The following SUPT16H variants were observed in gnomAD, a reference collection of about 807,000 sequenced individuals.
SUPT16H encodes FACT complex subunit SPT16.
Under a neutral mutation model 136.2 loss-of-function variants are expected in SUPT16H, and 24 were observed. The ratio of observed to expected loss-of-function variants is 0.18; its 90% CI spans 0.13 to 0.25. The LOEUF (loss-of-function observed/expected upper bound fraction) is 0.25, where lower values mean the gene tolerates loss of function less well. SUPT16H is among the 10% of genes least tolerant of loss of function. The probability of loss-of-function intolerance (pLI) is 1.00; values close to 1 mark genes in which losing one functional copy is unlikely to be tolerated. For missense variants in SUPT16H, 623 were observed against 1,270.2 expected, an observed-to-expected ratio of 0.49 and a Z score of 7.74; for synonymous variants, 415 against 428.2, an observed-to-expected ratio of 0.97 and a Z score of 0.38.
rs1886336271 is a variant in SUPT16H at position 21,352,566 on chromosome 14, G to A, written c.*107C>T. 1 of 1,562,412 alleles carries A rather than the reference G, an allele frequency of 6.4e-7. No individual in the cohort carries two copies. The highest frequency in any genetic ancestry group is 1.4e-5 in the African/African-American group (1 of 73,244). On this transcript the variant is annotated 3_prime_UTR_variant, in exon 26 of 26. Coordinates refer to ENST00000216297, the MANE Select transcript of SUPT16H (RefSeq NM_007192.4). ...GCCCCCTAAACCCATAAACACAAATGGCAAAACTTCAAATGAAAACGAAAG... is the reference window on the plus strand; with the variant it reads ...GCCCCCTAAACCCATAAACACAAATAGCAAAACTTCAAATGAAAACGAAAG...
Position 21,363,122 on chromosome 14 carries a change from T to G in SUPT16H, c.1423A>C (p.Arg475=). 1 of 1,613,946 alleles carries G rather than the reference T, an allele frequency of 6.2e-7. No homozygotes were observed. Among genetic ancestry groups the G allele is most frequent in the South Asian group, 1.1e-5 (1 of 91,086 alleles). The change falls in exon 13 of 26, where the codon AGA becomes CGA. Residue 475 remains arginine, a synonymous_variant. Coordinates refer to ENST00000216297, the MANE Select transcript of SUPT16H (RefSeq NM_007192.4). ...RNEMTAEEKR[R]AHQKELAAQL... ...GCCGCTAGTTCTTTCTGATGTGCTC[T>G]TCGCTTCTCTTCTGCAGTCATTTCA...
At chr14:21,360,726 T>C (rs1267768003) in intron 17 of SUPT16H, 120 bp downstream of exon 17, 6 of 1,426,264 alleles carry the variant, frequency 4.2e-6, no homozygotes, top group Middle Eastern at 2.3e-4. Flanking sequence ...ATTAGCACCA[T>C]GCTTTAACCA....
chr14:21,359,539 G>A lies in SUPT16H; in HGVS notation c.2246C>T (p.Thr749Met), dbSNP rs555039355. The change falls in exon 19 of 26, where the codon ACG (threonine) becomes ATG (methionine). Residue 749 changes from threonine to methionine, a missense_variant. This residue lies in a region of SUPT16H where 21 missense variants were observed against 140.3 expected (regional missense o/e 0.15). Coordinates refer to ENST00000216297, the MANE Select transcript of SUPT16H (RefSeq NM_007192.4). ...QFYTEVGEIT[T>M]DLGKHQHMHD... ...CATATGCTGATGTTTCCCCAAGTCCGTGGTTATCTCTCCCACTTCTGTGTA... is the reference window on the plus strand; with the variant it reads ...CATATGCTGATGTTTCCCCAAGTCCATGGTTATCTCTCCCACTTCTGTGTA... The A allele has an allele frequency of 6.2e-7, 1 of 1,614,130 alleles. No homozygotes were observed. The highest frequency in any genetic ancestry group is 1.3e-5 in the African/African-American group (1 of 75,022).
intron 19 of SUPT16H, 47 bp from the exon 20 acceptor site, chr14:21,358,474 G>A (rs758673898): frequency 4.4e-6 from 6 of 1,359,588 alleles, no homozygotes; most frequent in African/African-American, 1.5e-5. Context: ...TTTGTTAACA[G>A]TACCTCCCCT....
chr14:21,366,652 C>T (rs1383634807), intron 7 of SUPT16H, 123 bp from the exon 8 acceptor site: 11 of 625,762 alleles, frequency 1.8e-5, no homozygotes, highest in Non-Finnish European at 2.7e-5. Context: ...AAACAGTCCA[C>T]TCACTTTTTT....
chr14:21,360,998 A>C (rs369351746), intron 16 of SUPT16H, 26 bp from the exon 17 acceptor site: 22 of 1,611,694 alleles, frequency 1.4e-5, no homozygotes, highest in Non-Finnish European at 1.8e-5. Flanking sequence ...ATTAATGTGA[A>C]TTGTCACATA....
chr14:21,378,770 C>CA lies in SUPT16H; in HGVS notation c.66+5091dup, dbSNP rs540375578. ...AGAAATATGAAAGAAACAAAAAACT[C>CA]AAAGTGGTTGCCTCTGGGATAGGTG... On this transcript the variant is annotated intron_variant, in intron 1 of 25. Coordinates refer to ENST00000216297, the MANE Select transcript of SUPT16H (RefSeq NM_007192.4). 2.3e-4 allele frequency among the ~76,000 whole-genome samples: 35 copies of CA among 151,664 alleles called. No homozygotes were observed. The East Asian group carries it at 2.9e-3, about 13-fold the overall frequency.
At position 21,357,993 on chromosome 14, in the gene SUPT16H, T is replaced by G; in HGVS notation, c.2424A>C (p.Gly808=). 1.2e-6 allele frequency: 2 copies of G among 1,613,404 alleles called. No individual in the cohort carries two copies. The highest frequency in any genetic ancestry group is 2.2e-5 in the East Asian group (1 of 44,856). Residue 808 remains glycine, a synonymous_variant, in exon 21 of 26, where the codon GGA becomes GGC. Coordinates refer to ENST00000216297, the MANE Select transcript of SUPT16H (RefSeq NM_007192.4). ...GGAGGCAGGTACTCCTATAGGGAGCTCCGTTAAATCTGGAAGAGACAAACT... is the reference window on the plus strand; with the variant it reads ...GGAGGCAGGTACTCCTATAGGGAGCGCCGTTAAATCTGGAAGAGACAAACT... The part of the protein sequence containing the change: ...EVPFRDLGFN[G]APYRSTCLLQ...
chr14:21,379,916 A>C (rs1432177687), intron 1 of SUPT16H, among the ~76,000 whole-genome samples: 2 of 151,460 alleles, frequency 1.3e-5, no homozygotes, highest in African/African-American at 2.4e-5. Context: ...AAACAAAAAA[A>C]CCTTTCTCTA....
Position 21,357,914 on chromosome 14 carries a change from A to C in SUPT16H, c.2490+13T>G. ...AACAATTTTCTTACTAAAAGAAAGT[A>C]AGAAACACTCACCCATTCCGTAGCA... On this transcript the variant is annotated intron_variant, in intron 21 of 25. Transcript: ENST00000216297. 6.2e-7 allele frequency: 1 copy of C among 1,611,576 alleles called. No homozygotes were observed. Among genetic ancestry groups the C allele is most frequent in the Non-Finnish European group, 8.5e-7 (1 of 1,177,942 alleles).
At chr14:21,383,736 A>C (rs1594315462) in intron 1 of SUPT16H, 126 bp downstream of exon 1, 1 of 1,083,712 alleles carries the variant, frequency 9.2e-7, no homozygotes, top group African/African-American at 1.5e-5. Flanking sequence ...ATTCGGGAGC[A>C]ACGAAAAGGG....
chr14:21,368,313 A>C lies in SUPT16H; in HGVS notation c.911T>G (p.Phe304Cys). The change falls in exon 7 of 26, where the codon TTT becomes TGT. Residue 304 changes from phenylalanine to cysteine, a missense_variant. Physicochemically the swap from Phe to Cys is radical, Grantham distance 205. Coordinates refer to ENST00000216297, the MANE Select transcript of SUPT16H (RefSeq NM_007192.4). The stretch of plus-strand genomic sequence containing the variant: ...CAGCTCCTCTTGAAGCTGGAGCAAA[A>C]AGTTATAATTTTCTTGAACTTCTTG... ...PSQEVQENYN[F>C]LLQLQEELLK... The C allele has an allele frequency of 4.3e-6, 7 of 1,613,962 alleles. No individual in the cohort carries two copies. Among genetic ancestry groups the C allele is most frequent in the Non-Finnish European group, 5.9e-6 (7 of 1,179,960 alleles).
rs1288561238 is a variant in SUPT16H, at chr14:21,377,425, C to T, written c.67-3995G>A. 7.2e-5 allele frequency among the ~76,000 whole-genome samples: 11 copies of T among 152,052 alleles called. No individual in the cohort carries two copies. In the East Asian group the frequency reaches 2.1e-3, roughly 29 times the overall value. ...CAAATAATGGCTTCAAAATTCTGAGCAAAAAATGATTTTCAACACAGAATT... is the reference window on the plus strand; with the variant it reads ...CAAATAATGGCTTCAAAATTCTGAGTAAAAAATGATTTTCAACACAGAATT... On this transcript the variant is annotated intron_variant, in intron 1 of 25. Transcript: ENST00000216297.
At chr14:21,353,680 G>C (rs181077658) in intron 24 of SUPT16H, 23 bp downstream of exon 24, 6 of 1,607,210 alleles carry the variant, frequency 3.7e-6, no homozygotes, top group Non-Finnish European at 5.1e-6. Context: ...AAGCCAGGAC[G>C]AACTTTGCTC....
At chr14:21,376,752 T>C (rs1048482329) in intron 1 of SUPT16H, among the ~76,000 whole-genome samples, 3 of 152,200 alleles carry the variant, frequency 2.0e-5, no homozygotes, top group Non-Finnish European at 4.4e-5. Flanking sequence ...TAAAAATGAT[T>C]ACCATTATAA....
chr14:21,360,455 C>G lies in SUPT16H; in HGVS notation c.2135G>C (p.Cys712Ser). The change falls in exon 18 of 26, where the codon TGT (cysteine) becomes TCT (serine). Residue 712 changes from cysteine to serine, a missense_variant. Cys to Ser is a moderately radical substitution (Grantham distance 112). This residue lies in a region of SUPT16H where 21 missense variants were observed against 140.3 expected (regional missense o/e 0.15). Transcript: ENST00000216297. Reference protein sequence around the residue: ...NNIKHALFQPCDGEMIIVLHF... With the variant: ...NNIKHALFQPSDGEMIIVLHF... The stretch of plus-strand genomic sequence containing the variant: ...CAAGACAATAATCATTTCTCCATCA[C>G]AGGGCTGGAACAAAGCATGCTTAAT... The G allele has an allele frequency of 6.2e-7, 1 of 1,614,052 alleles. No individual in the cohort carries two copies. Among genetic ancestry groups the G allele is most frequent in the Non-Finnish European group, 8.5e-7 (1 of 1,179,954 alleles).
Position 21,361,390 on chromosome 14 carries a change from C to T in SUPT16H, c.1794-177G>A, listed in dbSNP as rs193070184. The T allele has an allele frequency of 3.6e-4, 259 of 729,112 alleles. No homozygotes were observed. In the African/African-American group the frequency reaches 4.2e-3, roughly 12 times the overall value. The allele number at this position is 729,112 out of a possible 1,614,324, so 45.2% of individuals were successfully genotyped here. ...GGAGTGCAGTGGCCCAATCTTAGCT[C>T]ACTGCAACCTTCGCCTCCTGGGTTC... On this transcript the variant is annotated intron_variant, in intron 15 of 25. Transcript: ENST00000216297.
chr14:21,372,035 A>C lies in SUPT16H; in HGVS notation c.169T>G (p.Phe57Val). ...ATAGTATCAGTTAGTTCATAACCAAAGAGCCATGTCTATGGAAAAAGACAA... is the reference window on the plus strand; with the variant it reads ...ATAGTATCAGTTAGTTCATAACCAACGAGCCATGTCTATGGAAAAAGACAA... ...AKSTALQTWL[F>V]GYELTDTIMV... Residue 57 changes from phenylalanine to valine, a missense_variant, in exon 3 of 26, where the codon TTT becomes GTT. By Grantham distance (50) the Phe-to-Val change is conservative. This residue lies in a region of SUPT16H where 343 missense variants were observed against 525.7 expected (regional missense o/e 0.65). Transcript: ENST00000216297. 1 of 1,612,500 alleles carries C rather than the reference A, an allele frequency of 6.2e-7. No homozygotes were observed. Among genetic ancestry groups the C allele is most frequent in the Non-Finnish European group, 8.5e-7 (1 of 1,179,536 alleles).
chr14:21,373,931 T>C (rs1419674504), intron 1 of SUPT16H, among the ~76,000 whole-genome samples: 4 of 152,154 alleles, frequency 2.6e-5, no homozygotes, highest in Admixed American at 2.0e-4. Flanking sequence ...TTTCACTATG[T>C]GGGTCAGGCT....
Sources: allele counts gnomAD v4.1 joint callset (sites outside exome capture counted in the v4.1 genomes callset), GRCh38; gene constraint gnomAD v4.1.1; regional missense constraint gnomAD v4.1.1; transcripts MANE v1.5; gene names NCBI Gene and HGNC (gene_info 2026-07-23, HGNC 2026-07-21).